The following CTNNA3 variants were observed in gnomAD, a reference collection of about 807,000 sequenced individuals.
CTNNA3 encodes catenin alpha-3.
A neutral mutation model predicts 95.7 loss-of-function variants in CTNNA3; 76 were observed. That is an observed-to-expected ratio of 0.79 (90% confidence interval 0.66 to 0.96). CTNNA3 has a LOEUF of 0.96. Ranked by LOEUF, CTNNA3 falls within the 40% of genes least tolerant of loss-of-function variation. The probability of loss-of-function intolerance (pLI) is 0.00; values close to 1 mark genes in which losing one functional copy is unlikely to be tolerated. For synonymous variants in CTNNA3, 431 were observed against 374.4 expected, an observed-to-expected ratio of 1.15 and a Z score of -1.74; for missense variants, 1,191 against 1,089.8, an observed-to-expected ratio of 1.09 and a Z score of -1.31.
chr10:65,913,136 T>C lies in CTNNA3; in HGVS notation c.*7194A>G, dbSNP rs1411482610. The C allele has an allele frequency of 6.6e-6, 1 of 152,190 alleles. No individual in the cohort carries two copies. Among genetic ancestry groups the C allele is most frequent in the Non-Finnish European group, 1.5e-5 (1 of 68,022 alleles). 9.4% of individuals were successfully genotyped at this position (152,190 alleles called of 1,614,324 possible). On this transcript the variant is annotated 3_prime_UTR_variant, in exon 18 of 18. Coordinates refer to ENST00000433211, the MANE Select transcript of CTNNA3 (RefSeq NM_013266.4). ...TTAAATCTGCTTTCATCCTAAATTA[T>C]AATGTGCATATTACCTTCAGAGAGG... is the stretch of plus-strand genomic sequence containing the variant.
chr10:66,602,974 C>T (rs898383257), intron 10 of CTNNA3, among the ~76,000 whole-genome samples: 4 of 151,902 alleles, frequency 2.6e-5, no homozygotes, highest in South Asian at 2.1e-4. Flanking sequence ...ATGTGACAAA[C>T]CTATAGCAAT....
At chr10:66,791,890 A>T (rs1009912707) in intron 7 of CTNNA3, among the ~76,000 whole-genome samples, 8 of 152,196 alleles carry the variant, frequency 5.3e-5, no homozygotes, top group Non-Finnish European at 1.2e-4. Flanking sequence ...TACTATACTT[A>T]TGCACTATAA....
intron 6 of CTNNA3, among the ~76,000 whole-genome samples, chr10:67,215,890 C>A (rs535300430): frequency 2.0e-4 from 31 of 152,258 alleles, no homozygotes; most frequent in Middle Eastern, 6.8e-3. Flanking sequence ...CTACCCCATC[C>A]CCCAGCATAA....
At chr10:67,011,338 C>CA (rs764795305) in intron 7 of CTNNA3, among the ~76,000 whole-genome samples, 1,942 of 61,824 alleles carry the variant, frequency 0.031, 24 homozygotes, top group East Asian at 0.13. Flanking sequence ...AAGTCTGTCT[C>CA]AAAAAAAAAA....
chr10:66,734,449 C>A (rs937510865), intron 9 of CTNNA3, among the ~76,000 whole-genome samples: 3 of 151,974 alleles, frequency 2.0e-5, no homozygotes, highest in Admixed American at 6.6e-5. Context: ...CTTTTTATTT[C>A]TAAATTTCTC....
intron 17 of CTNNA3, among the ~76,000 whole-genome samples, chr10:65,951,972 G>A (rs2077624341): frequency 6.7e-6 from 1 of 148,972 alleles, no homozygotes; most frequent in Non-Finnish European, 1.5e-5. Flanking sequence ...GGAGCTTGCA[G>A]TGAGCCGAGA....
At chr10:66,053,831 C>T (rs894502886) in intron 15 of CTNNA3, among the ~76,000 whole-genome samples, 7 of 151,824 alleles carry the variant, frequency 4.6e-5, no homozygotes, top group African/African-American at 1.7e-4. Flanking sequence ...CTATAGTTTC[C>T]CTATTGTGCT....
intron 11 of CTNNA3, among the ~76,000 whole-genome samples, chr10:66,476,804 T>C (rs767402423): frequency 1.3e-5 from 2 of 152,086 alleles, no homozygotes; most frequent in Non-Finnish European, 2.9e-5. Flanking sequence ...GATTATTCTC[T>C]AACTAGTTTG....
At chr10:66,360,863 T>C (rs1259751563) in intron 12 of CTNNA3, among the ~76,000 whole-genome samples, 3 of 141,986 alleles carry the variant, frequency 2.1e-5, no homozygotes, top group South Asian at 2.2e-4. Flanking sequence ...CTTTCCTTTC[T>C]CTTTCTTTTT....
intron 17 of CTNNA3, among the ~76,000 whole-genome samples, chr10:65,948,193 A>C (rs527299384): frequency 6.6e-6 from 1 of 150,584 alleles, no homozygotes; most frequent in East Asian, 2.0e-4. Flanking sequence ...AGGCAGGAGA[A>C]TGGCATGACC....
At chr10:66,256,555 A>G (rs11497930) in intron 13 of CTNNA3, among the ~76,000 whole-genome samples, 30,636 of 151,978 alleles carry the variant, frequency 0.2, 3,762 homozygotes, top group African/African-American at 0.34. Flanking sequence ...CCCCGTCTCT[A>G]CTAAAAAATA....
chr10:67,386,485 C>T (rs1844169409), intron 5 of CTNNA3, among the ~76,000 whole-genome samples: 1 of 152,268 alleles, frequency 6.6e-6, no homozygotes, highest in South Asian at 2.1e-4. Flanking sequence ...GCGTTTCTCA[C>T]ATTCTTTTAC....
intron 12 of CTNNA3, among the ~76,000 whole-genome samples, chr10:66,348,335 C>T (rs766801280): frequency 4.6e-5 from 7 of 152,084 alleles, no homozygotes; most frequent in Non-Finnish European, 8.8e-5. Flanking sequence ...ATTTAATTAG[C>T]CGATTATTAG....
chr10:66,596,810 A>G (rs1843728989), intron 10 of CTNNA3, among the ~76,000 whole-genome samples: 2 of 152,128 alleles, frequency 1.3e-5, no homozygotes, highest in Admixed American at 1.3e-4. Context: ...AAGGAACAAA[A>G]TAAAGTTCCA....
intron 7 of CTNNA3, among the ~76,000 whole-genome samples, chr10:66,871,235 C>T (rs1438399723): frequency 6.6e-6 from 1 of 152,084 alleles, no homozygotes; most frequent in African/African-American, 2.4e-5. Flanking sequence ...AATTTGTATT[C>T]TCTGATTTAA....
chr10:66,303,774 T>C (rs1244983523), intron 12 of CTNNA3, among the ~76,000 whole-genome samples: 1 of 152,096 alleles, frequency 6.6e-6, no homozygotes, highest in East Asian at 1.9e-4. Flanking sequence ...TTTGTATTTT[T>C]AGTAGAGACA....
At chr10:67,739,349 A>C (rs1244599881) in intron 1 of CTNNA3, among the ~76,000 whole-genome samples, 1 of 152,156 alleles carries the variant, frequency 6.6e-6, no homozygotes, top group Non-Finnish European at 1.5e-5. Context: ...TTCAATTAGG[A>C]AAAGAGGAAG....
At chr10:67,291,232 C>T (rs1442035284) in intron 5 of CTNNA3, among the ~76,000 whole-genome samples, 1 of 152,034 alleles carries the variant, frequency 6.6e-6, no homozygotes. Context: ...ATGCTTGGGA[C>T]GTGGTGAGCT....
chr10:66,309,090 C>T (rs141543048), intron 12 of CTNNA3, among the ~76,000 whole-genome samples: 17 of 152,296 alleles, frequency 1.1e-4, no homozygotes, highest in African/African-American at 3.6e-4. Context: ...ATGGCTATCA[C>T]TCACGTCTAC....
Sources: gnomAD v4.1 joint callset for allele counts (sites outside exome capture counted in the v4.1 genomes callset) on GRCh38, gnomAD v4.1.1 for gene constraint, MANE v1.5 for transcripts, NCBI Gene and HGNC (gene_info 2026-07-23, HGNC 2026-07-21) for gene names.